The following RBFOX1 variants were observed in gnomAD, a reference collection of about 807,000 sequenced individuals.
RBFOX1 encodes RNA binding protein fox-1 homolog 1.
RBFOX1 carries 8 observed loss-of-function variants against 57.7 expected under a neutral mutation model. The observed-to-expected ratio is 0.14, with a 90% CI of 0.08 to 0.25. The LOEUF is 0.25. Ranked by LOEUF, RBFOX1 falls within the 10% of genes least tolerant of loss-of-function variation. The pLI is 1.00. For missense variants in RBFOX1, 611 were observed against 548.5 expected, an observed-to-expected ratio of 1.11 and a Z score of -1.14; for synonymous variants, 326 against 222.4, an observed-to-expected ratio of 1.47 and a Z score of -4.15.
intron 3 of RBFOX1, among the ~76,000 whole-genome samples, chr16:6,792,135 TTGAAACACATAAACTA>T (rs2083090603): frequency 6.6e-6 from 1 of 152,138 alleles, no homozygotes; most frequent in African/African-American, 2.4e-5. Flanking sequence ...TAGAAAAAAA[TTGAAACACATAAACTA>T]TGCTTTTTCT....
chr16:5,759,333 G>A (rs2053511403), intron 3 of RBFOX1, among the ~76,000 whole-genome samples: 1 of 152,188 alleles, frequency 6.6e-6, no homozygotes, highest in South Asian at 2.1e-4. Flanking sequence ...TTCTTAGAGA[G>A]ATGTATCTCT....
intron 3 of RBFOX1, among the ~76,000 whole-genome samples, chr16:6,888,383 A>T (rs1045079196): frequency 6.6e-6 from 1 of 152,096 alleles, no homozygotes; most frequent in African/African-American, 2.4e-5. Flanking sequence ...TGAAAATCCA[A>T]ACTTGGAGGA....
intron 1 of RBFOX1, among the ~76,000 whole-genome samples, chr16:5,390,038 T>G (rs1224766393): frequency 6.6e-6 from 1 of 152,126 alleles, no homozygotes; most frequent in Non-Finnish European, 1.5e-5. Context: ...TTTCCATTTT[T>G]ATTCTGTAGC....
intron 2 of RBFOX1, among the ~76,000 whole-genome samples, chr16:6,562,526 T>C (rs746941858): frequency 1.3e-5 from 2 of 152,222 alleles, no homozygotes; most frequent in Non-Finnish European, 2.9e-5. Flanking sequence ...GGTTTCCAAG[T>C]ATTTAGTTTG....
chr16:5,910,595 C>G (rs1046196952), intron 4 of RBFOX1, among the ~76,000 whole-genome samples: 5 of 152,096 alleles, frequency 3.3e-5, no homozygotes, highest in Admixed American at 2.6e-4. Context: ...GGGTGCAGGG[C>G]TAGCAGAGGC....
Position 6,893,289 on chromosome 16 carries a change from T to A in RBFOX1, c.-15-158768T>A, listed in dbSNP as rs887179191. ...GGAAGTTTGGTTTCTTGTCTTAGAT[T>A]ACTGGGAGTCGGGAAAGAAAGCCCC... On this transcript the variant is annotated intron_variant, in intron 3 of 15. Transcript: ENST00000550418. 2.0e-5 allele frequency among the ~76,000 whole-genome samples: 3 copies of A among 152,314 alleles called. No individual in the cohort carries two copies. The South Asian group carries it at 6.2e-4, about 32-fold the overall frequency.
At chr16:6,901,882 TAA>T (rs1159781192) in intron 3 of RBFOX1, among the ~76,000 whole-genome samples, 1 of 152,212 alleles carries the variant, frequency 6.6e-6, no homozygotes, top group Non-Finnish European at 1.5e-5. Context: ...CATGTGAGCC[TAA>T]GTGATGAACT....
In RBFOX1 at chr16:7,340,199, A is replaced by C. The variant is rs564669809; in HGVS notation, c.28-177948A>C. ...ACCTCTTACCAAAATGTGTTGGTGGATAAGCAAAATCTAGGTTCTTGTTAT... is the reference window on the plus strand; with the variant it reads ...ACCTCTTACCAAAATGTGTTGGTGGCTAAGCAAAATCTAGGTTCTTGTTAT... On this transcript the variant is annotated intron_variant, in intron 4 of 15. Transcript: ENST00000550418. 2.6e-5 allele frequency among the ~76,000 whole-genome samples: 4 copies of C among 152,210 alleles called. No individual in the cohort carries two copies. In the East Asian group the frequency reaches 7.7e-4, roughly 29 times the overall value.
At chr16:7,489,236 T>A (rs1304100974) in intron 4 of RBFOX1, among the ~76,000 whole-genome samples, 1 of 152,314 alleles carries the variant, frequency 6.6e-6, no homozygotes. Flanking sequence ...TACCTTTTTT[T>A]AAATTCAAGA....
chr16:6,938,768 C>G (rs11077118), intron 3 of RBFOX1, among the ~76,000 whole-genome samples: 1 of 151,386 alleles, frequency 6.6e-6, no homozygotes, highest in East Asian at 2.0e-4. Flanking sequence ...CCTGTCTGTA[C>G]TAAAAATCCA....
At chr16:7,579,433 G>A (rs2093583653) in intron 5 of RBFOX1, among the ~76,000 whole-genome samples, 1 of 151,920 alleles carries the variant, frequency 6.6e-6, no homozygotes, top group Non-Finnish European at 1.5e-5. Context: ...GCAGCTCCCA[G>A]TCCCCTTCCT....
intron 2 of RBFOX1, among the ~76,000 whole-genome samples, chr16:6,577,706 T>C (rs986060160): frequency 6.6e-6 from 1 of 152,164 alleles, no homozygotes; most frequent in African/African-American, 2.4e-5. Context: ...TGTCTCACAG[T>C]GGTAGTCAAG....
At chr16:7,082,929 T>C (rs905594280) in intron 4 of RBFOX1, among the ~76,000 whole-genome samples, 4 of 152,224 alleles carry the variant, frequency 2.6e-5, no homozygotes, top group African/African-American at 9.6e-5. Context: ...GAGTTGTAAA[T>C]GTTTCCACTG....
chr16:6,589,821 G>T (rs1258334271), intron 2 of RBFOX1, among the ~76,000 whole-genome samples: 1 of 152,198 alleles, frequency 6.6e-6, no homozygotes, highest in Non-Finnish European at 1.5e-5. Context: ...AACAAGGACA[G>T]CTTGGAGGTA....
intron 1 of RBFOX1, among the ~76,000 whole-genome samples, chr16:6,047,473 G>A (rs1246314500): frequency 2.0e-5 from 3 of 152,204 alleles, no homozygotes; most frequent in Non-Finnish European, 2.9e-5. Flanking sequence ...GATGCTATGT[G>A]ACCAAAGCTT....
chr16:7,191,165 C>T (rs1602428431), intron 4 of RBFOX1, among the ~76,000 whole-genome samples: 2 of 152,066 alleles, frequency 1.3e-5, no homozygotes, highest in African/African-American at 2.4e-5. Context: ...GTGCTCTCTT[C>T]CAAAGGAAAC....
intron 2 of RBFOX1, among the ~76,000 whole-genome samples, chr16:6,423,150 T>G (rs2093823571): frequency 6.6e-6 from 1 of 152,244 alleles, no homozygotes; most frequent in South Asian, 2.1e-4. Flanking sequence ...AGGTTGCTGC[T>G]GTTCACTTCT....
intron 3 of RBFOX1, among the ~76,000 whole-genome samples, chr16:6,887,799 T>A (rs1603636825): frequency 6.6e-6 from 1 of 151,778 alleles, no homozygotes; most frequent in African/African-American, 2.4e-5. Flanking sequence ...AGTAGCTGGG[T>A]TTACAGGCAC....
intron 3 of RBFOX1, among the ~76,000 whole-genome samples, chr16:6,981,329 C>T (rs893933347): frequency 2.0e-5 from 3 of 152,010 alleles, no homozygotes; most frequent in African/African-American, 7.3e-5. Context: ...CATGTGTTCT[C>T]ATTATTTAGC....
Sources: gnomAD v4.1 joint callset for allele counts (sites outside exome capture counted in the v4.1 genomes callset) on GRCh38, gnomAD v4.1.1 for gene constraint, MANE v1.5 for transcripts, NCBI Gene and HGNC (gene_info 2026-07-23, HGNC 2026-07-21) for gene names.